Variants in WDFY4 observed in about 807,000 individuals in gnomAD.
WDFY4 encodes the protein WD repeat- and FYVE domain-containing protein 4.
Under a neutral mutation model 351.9 loss-of-function variants are expected in WDFY4, and 169 were observed. The ratio of observed to expected loss-of-function variants is 0.48; its 90% CI spans 0.42 to 0.55. The LOEUF is 0.55. Ranked by LOEUF, WDFY4 falls within the 20% of genes least tolerant of loss-of-function variation. The pLI is 0.00. For synonymous variants in WDFY4, 1,622 were observed against 1,574.6 expected (o/e 1.03, Z -0.71); for missense variants, 3,803 against 3,935.6 (o/e 0.97, Z 0.90).
At chr10:48,711,001 A>G (rs2063754923) in intron 2 of WDFY4, among the ~76,000 whole-genome samples, 1 of 152,228 alleles carries the variant, frequency 6.6e-6, no homozygotes, top group Non-Finnish European at 1.5e-5. Flanking sequence ...TGAAAAGCGT[A>G]TACCTACAAA....
At chr10:48,728,052 G>T (rs1453581167) in intron 7 of WDFY4, among the ~76,000 whole-genome samples, 4 of 152,166 alleles carry the variant, frequency 2.6e-5, no homozygotes, top group Non-Finnish European at 5.9e-5. Context: ...GGTGCCAATG[G>T]GTGCACATCC....
chr10:48,786,522 TA>T (rs2066410341), intron 19 of WDFY4, 116 bp from the exon 20 acceptor site: 1 of 798,228 alleles, frequency 1.3e-6, no homozygotes, highest in Non-Finnish European at 1.9e-6. Context: ...GTTTTTTAGA[TA>T]AAATACATTT....
chr10:48,970,234 G>A lies in WDFY4; in HGVS notation c.8873G>A (p.Cys2958Tyr), dbSNP rs950721610. The change falls in exon 57 of 62, where the codon TGT (cysteine) becomes TAT (tyrosine). Residue 2958 changes from cysteine (C) to tyrosine (Y), a missense_variant. This residue lies in a region of WDFY4 where 3,054 missense variants were observed against 3,148.6 expected (regional missense o/e 0.97). Transcript: ENST00000325239. ...IVTSGTSTVV[C>Y]VWELSMTKGR... ...ACCTCTGGGACCAGCACTGTGGTGTGTGTGTGGGAGCTCAGCATGACCAAA... is the reference window on the plus strand; with the variant it reads ...ACCTCTGGGACCAGCACTGTGGTGTATGTGTGGGAGCTCAGCATGACCAAA... 6.4e-7 allele frequency: 1 copy of A among 1,551,708 alleles called. No individual in the cohort carries two copies. Among genetic ancestry groups the A allele is most frequent in the East Asian group, 2.4e-5 (1 of 40,926 alleles).
chr10:48,744,816 C>T (rs1229813224), intron 12 of WDFY4, among the ~76,000 whole-genome samples: 3 of 152,144 alleles, frequency 2.0e-5, no homozygotes, highest in African/African-American at 4.8e-5. Flanking sequence ...CCCATTTCAT[C>T]GAAGTTTCCA....
At chr10:48,841,285 T>TCCAAAAA (rs2068596633) in intron 39 of WDFY4, among the ~76,000 whole-genome samples, 2 of 152,266 alleles carry the variant, frequency 1.3e-5, no homozygotes, top group South Asian at 4.1e-4. Context: ...TATTTGTTAC[T>TCCAAAAA]GCACTTTGTG....
At position 48,788,647 on chromosome 10, in the gene WDFY4, A is replaced by T; in HGVS notation, c.3926A>T (p.Glu1309Val). Residue 1309 changes from glutamate (E) to valine (V), a missense_variant, in exon 21 of 62, where the codon GAG (glutamate) becomes GTG (valine). Transcript: ENST00000325239. ...GCGGACATCAGAAATGCTTACAATGAGGTGGACAGCCGCCTGATCGCCAAA... is the reference window on the plus strand; with the variant it reads ...GCGGACATCAGAAATGCTTACAATGTGGTGGACAGCCGCCTGATCGCCAAA... ...SVADIRNAYN[E>V]VDSRLIAKEM... is the part of the protein sequence containing the mutation. 1 of 1,551,710 alleles carries T rather than the reference A, an allele frequency of 6.4e-7. No individual in the cohort carries two copies. The highest frequency in any genetic ancestry group is 8.7e-7 in the Non-Finnish European group (1 of 1,146,980).
At chr10:48,818,050 G>A (rs2132968302) in intron 32 of WDFY4, among the ~76,000 whole-genome samples, 1 of 152,336 alleles carries the variant, frequency 6.6e-6, no homozygotes. Flanking sequence ...GACTCAGGTA[G>A]GCTAAGACCT....
At chr10:48,721,790 G>A (rs2064095977) in intron 4 of WDFY4, among the ~76,000 whole-genome samples, 1 of 152,190 alleles carries the variant, frequency 6.6e-6, no homozygotes, top group Non-Finnish European at 1.5e-5. Context: ...ATGCCAGTGA[G>A]TGATGAGAAC....
chr10:48,762,429 A>G (rs1431311619), intron 13 of WDFY4, among the ~76,000 whole-genome samples: 3 of 152,362 alleles, frequency 2.0e-5, no homozygotes, highest in African/African-American at 7.2e-5. Flanking sequence ...AGAGATACAC[A>G]TAACAGTGAG....
At chr10:48,897,393 C>G (rs1479702253) in intron 44 of WDFY4, 61 bp from the exon 45 acceptor site, 5 of 1,527,592 alleles carry the variant, frequency 3.3e-6, no homozygotes, top group East Asian at 2.5e-5. Context: ...GAAGAAGAAG[C>G]CTGCACGTGT....
intron 59 of WDFY4, among the ~76,000 whole-genome samples, chr10:48,977,608 CAT>C (rs1842631736): frequency 6.6e-6 from 1 of 152,238 alleles, no homozygotes; most frequent in African/African-American, 2.4e-5. Context: ...GTGTGGCCCA[CAT>C]CAGTGGGCCA....
At chr10:48,900,327 C>T (rs1425450708) in intron 46 of WDFY4, 21 bp downstream of exon 46, 1 of 1,531,196 alleles carries the variant, frequency 6.5e-7, no homozygotes, top group East Asian at 2.5e-5. Context: ...GAAAATCCTC[C>T]TTCTGAGGAA....
chr10:48,974,326 A>C (rs1260037958), intron 57 of WDFY4, among the ~76,000 whole-genome samples: 2 of 151,824 alleles, frequency 1.3e-5, no homozygotes, highest in African/African-American at 2.4e-5. Context: ...AACTTGGTGA[A>C]ACCCCATCTC....
At chr10:48,892,381 A>G (rs557318441) in intron 44 of WDFY4, among the ~76,000 whole-genome samples, 2 of 152,242 alleles carry the variant, frequency 1.3e-5, no homozygotes, top group Non-Finnish European at 2.9e-5. Flanking sequence ...GACAAGGGAG[A>G]CTTCTCATGT....
At chr10:48,773,716 C>A (rs893637537) in intron 13 of WDFY4, among the ~76,000 whole-genome samples, 2 of 152,108 alleles carry the variant, frequency 1.3e-5, no homozygotes, top group Non-Finnish European at 2.9e-5. Context: ...AGATGGCACC[C>A]AGGGGATGAG....
At chr10:48,853,836 A>AC (rs2069038145) in intron 39 of WDFY4, among the ~76,000 whole-genome samples, 1 of 152,148 alleles carries the variant, frequency 6.6e-6, no homozygotes, top group African/African-American at 2.4e-5. Context: ...GCTCATAGCT[A>AC]TCTGTCTGTT....
At chr10:48,796,191 TAGCAGCAGAG>T (rs2066869087) in intron 23 of WDFY4, 97 bp from the exon 24 acceptor site, 1 of 1,295,622 alleles carries the variant, frequency 7.7e-7, no homozygotes, top group African/African-American at 1.5e-5. Flanking sequence ...TGAAGGATGG[TAGCAGCAGAG>T]AGCAGAAGGT....
At chr10:48,823,534 G>T in intron 35 of WDFY4, 1 of 1,104,944 alleles carries the variant, frequency 9.1e-7, no homozygotes, top group Non-Finnish European at 1.1e-6. Flanking sequence ...CTTGTCTGAT[G>T]AGCAGGTCCA....
chr10:48,757,729 A>G (rs371234161), intron 12 of WDFY4, among the ~76,000 whole-genome samples: 36 of 150,936 alleles, frequency 2.4e-4, no homozygotes, highest in African/African-American at 8.3e-4. Context: ...ATTTGAGTTT[A>G]TCTACTGAAT....
Sources: gnomAD v4.1 joint callset for allele counts (sites outside exome capture counted in the v4.1 genomes callset) on GRCh38, gnomAD v4.1.1 for gene constraint, gnomAD v4.1.1 regional missense constraint, MANE v1.5 for transcripts, NCBI Gene and HGNC (gene_info 2026-07-23, HGNC 2026-07-21) for gene names.